Variants in GPATCH2 observed in about 807,000 individuals in gnomAD.
GPATCH2 encodes the protein G patch domain-containing protein 2.
GPATCH2 carries 51 observed loss-of-function variants against 58.0 expected under a neutral mutation model. The ratio of observed to expected loss-of-function variants is 0.88; its 90% confidence interval spans 0.70 to 1.11. The LOEUF (loss-of-function observed/expected upper bound fraction) is 1.11, where lower values mean the gene tolerates loss of function less well. Ranked by LOEUF, GPATCH2 falls within the 50% of genes most tolerant of loss-of-function variation. The pLI, the probability that GPATCH2 is intolerant of heterozygous loss-of-function variation, is 0.00. For synonymous variants in GPATCH2, 222 were observed against 218.5 expected, an observed-to-expected ratio of 1.02 and a Z score of -0.14; for missense variants, 625 against 652.2, an observed-to-expected ratio of 0.96 and a Z score of 0.45.
chr1:217,600,150 C>T (rs1668042609), intron 5 of GPATCH2, among the ~76,000 whole-genome samples: 1 of 152,204 alleles, frequency 6.6e-6, no homozygotes, highest in Non-Finnish European at 1.5e-5. Context: ...TGGCACAAGT[C>T]ATTACTCCTT....
intron 5 of GPATCH2, among the ~76,000 whole-genome samples, chr1:217,528,610 G>A (rs989582860): frequency 6.6e-6 from 1 of 152,202 alleles, no homozygotes; most frequent in African/African-American, 2.4e-5. Flanking sequence ...GAGAAGCATG[G>A]GGGGACTGAG....
At chr1:217,595,658 C>T (rs945761464) in intron 5 of GPATCH2, among the ~76,000 whole-genome samples, 5 of 151,984 alleles carry the variant, frequency 3.3e-5, no homozygotes, top group Non-Finnish European at 7.4e-5. Context: ...TACCACCACG[C>T]TTGGCTAATT....
intron 8 of GPATCH2, among the ~76,000 whole-genome samples, chr1:217,464,880 GAAAAA>G (rs1387950997): frequency 1.3e-5 from 2 of 151,948 alleles, no homozygotes; most frequent in African/African-American, 4.8e-5. Context: ...TTATTAAAAG[GAAAAA>G]ATAAGGTCCT....
intron 3 of GPATCH2, 131 bp from the exon 4 acceptor site, chr1:217,611,202 T>C (rs899114737): frequency 2.6e-6 from 2 of 765,510 alleles, no homozygotes; most frequent in African/African-American, 3.5e-5. Flanking sequence ...GACTAACTTT[T>C]AATATAAGTA....
intron 5 of GPATCH2, among the ~76,000 whole-genome samples, chr1:217,537,280 A>G (rs1212981706): frequency 2.0e-5 from 3 of 152,158 alleles, no homozygotes; most frequent in Non-Finnish European, 4.4e-5. Flanking sequence ...CCTGCTAGGT[A>G]GCAAATCCCT....
At chr1:217,494,568 G>C (rs993247992) in intron 7 of GPATCH2, among the ~76,000 whole-genome samples, 8 of 152,074 alleles carry the variant, frequency 5.3e-5, no homozygotes, top group Admixed American at 2.0e-4. Context: ...GCGAAACCTT[G>C]TCTCTACTAA....
chr1:217,498,548 T>A (rs1364178314), intron 6 of GPATCH2, 153 bp from the exon 7 acceptor site: 1 of 671,850 alleles, frequency 1.5e-6, no homozygotes, highest in Non-Finnish European at 2.7e-6. Flanking sequence ...ATTCTAGACT[T>A]AGACCAATTT....
At chr1:217,445,563 A>T (rs1353318924) in intron 9 of GPATCH2, among the ~76,000 whole-genome samples, 1 of 152,168 alleles carries the variant, frequency 6.6e-6, no homozygotes, top group Non-Finnish European at 1.5e-5. Flanking sequence ...ATTTTATAAT[A>T]GTAAATCTAC....
At chr1:217,527,668 C>T (rs949560210) in intron 5 of GPATCH2, among the ~76,000 whole-genome samples, 1 of 152,138 alleles carries the variant, frequency 6.6e-6, no homozygotes, top group African/African-American at 2.4e-5. Flanking sequence ...TTATTATGTA[C>T]ACCAAGCTCA....
intron 8 of GPATCH2, among the ~76,000 whole-genome samples, chr1:217,478,485 A>C (rs1252825140): frequency 6.6e-6 from 1 of 152,222 alleles, no homozygotes; most frequent in Non-Finnish European, 1.5e-5. Flanking sequence ...TTAAAAATGC[A>C]ACTGGCATAC....
intron 3 of GPATCH2, 86 bp downstream of exon 3, chr1:217,614,055 C>A (rs1668765030): frequency 2.5e-6 from 2 of 796,262 alleles, no homozygotes; most frequent in South Asian, 1.4e-5. Flanking sequence ...GGATTGCAGT[C>A]ATCAACTTAT....
intron 5 of GPATCH2, among the ~76,000 whole-genome samples, chr1:217,566,101 CAAAAAA>C (rs59608962): frequency 2.1e-4 from 10 of 47,242 alleles, no homozygotes; most frequent in Non-Finnish European, 3.3e-4. Context: ...AACTCCGTCT[CAAAAAA>C]AAAAAAAAAA....
chr1:217,561,119 T>A lies in GPATCH2; in HGVS notation c.1099-46230A>T, dbSNP rs374240135. Among the ~76,000 whole-genome samples, 54 of 152,234 alleles carry A rather than the reference T, an allele frequency of 3.5e-4. 1 individual carries two copies. In the South Asian group the frequency reaches 0.01, roughly 29 times the overall value. On this transcript the variant is annotated intron_variant, in intron 5 of 9. Coordinates refer to ENST00000366935, the MANE Select transcript of GPATCH2 (RefSeq NM_018040.5). ...GACAAAAACAAAGAAAGAAAAGACC[T>A]CTATACTATTTGTGCATTATTTACA...
intron 5 of GPATCH2, among the ~76,000 whole-genome samples, chr1:217,539,354 T>C (rs549524869): frequency 6.6e-6 from 1 of 152,328 alleles, no homozygotes; most frequent in East Asian, 1.9e-4. Flanking sequence ...ATTTGCTCAA[T>C]TTACTATCTG....
chr1:217,548,683 G>A (rs1194757247), intron 5 of GPATCH2, among the ~76,000 whole-genome samples: 1 of 152,080 alleles, frequency 6.6e-6, no homozygotes, highest in East Asian at 1.9e-4. Context: ...CCCAGTGGGA[G>A]GTAACTGAAT....
At chr1:217,628,680 GT>G (rs200490521) in intron 1 of GPATCH2, among the ~76,000 whole-genome samples, 1 of 108,786 alleles carries the variant, frequency 9.2e-6, no homozygotes, top group Non-Finnish European at 1.9e-5. Flanking sequence ...ACATAATAAA[GT>G]TAAAAAAAAA....
At chr1:217,543,452 G>A (rs986509251) in intron 5 of GPATCH2, among the ~76,000 whole-genome samples, 11 of 151,818 alleles carry the variant, frequency 7.2e-5, no homozygotes, top group African/African-American at 2.7e-4. Context: ...TGTATTTTTA[G>A]TAGAGACGGG....
intron 8 of GPATCH2, among the ~76,000 whole-genome samples, chr1:217,487,368 CAT>C (rs1661500736): frequency 6.6e-6 from 1 of 151,788 alleles, no homozygotes; most frequent in South Asian, 2.1e-4. Flanking sequence ...TTGCAATCCA[CAT>C]GTCTTGATAT....
At chr1:217,511,324 G>A in intron 6 of GPATCH2, among the ~76,000 whole-genome samples, 2 of 152,200 alleles carry the variant, frequency 1.3e-5, no homozygotes, top group East Asian at 3.9e-4. Context: ...AAGAAGAAAG[G>A]CACTGGGAAA....
Sources: allele counts gnomAD v4.1 joint callset (sites outside exome capture counted in the v4.1 genomes callset), GRCh38; gene constraint gnomAD v4.1.1; transcripts MANE v1.5; gene names NCBI Gene and HGNC (gene_info 2026-07-23, HGNC 2026-07-21).